The following ACTN1 variants were observed in gnomAD, a reference collection of about 807,000 sequenced individuals.
ACTN1 encodes the protein actinin alpha 1.
Under a neutral mutation model 119.6 loss-of-function variants are expected in ACTN1, and 30 were observed. The observed-to-expected ratio is 0.25, with a 90% CI of 0.19 to 0.34. The LOEUF is 0.34. ACTN1 is among the 10% of genes least tolerant of loss of function. The pLI, the probability that ACTN1 is intolerant of heterozygous loss-of-function variation, is 1.00. For synonymous variants in ACTN1, 429 were observed against 472.6 expected (o/e 0.91, Z 1.20); for missense variants, 764 against 1,223.4 (o/e 0.62, Z 5.60).
At chr14:68,883,215 G>A (rs1594756831) in intron 14 of ACTN1, 160 bp from the exon 15 acceptor site, 1 of 741,060 alleles carries the variant, frequency 1.3e-6, no homozygotes, top group Non-Finnish European at 2.2e-6. Flanking sequence ...ATGGCCACAG[G>A]AAGGTGAAGC....
rs1485253637 is a variant in ACTN1, at chr14:68,979,244, C to G, written c.-188G>C. ...CTGCTACTGGCGGCGACAGCGGCGG[C>G]TGGGCTCGCGGACTGCCTGCCTCTG... On this transcript the variant is annotated 5_prime_UTR_variant, in exon 1 of 22. Coordinates refer to ENST00000394419, the MANE Select transcript of ACTN1 (RefSeq NM_001130004.2). 4.8e-6 allele frequency: 2 copies of G among 419,284 alleles called. No homozygotes were observed. Among genetic ancestry groups the G allele is most frequent in the African/African-American group, 4.3e-5 (2 of 46,450 alleles). The allele number at this position is 419,284 out of a possible 1,614,324, so 26.0% of individuals were successfully genotyped here. A position where few individuals can be genotyped will look rare whatever the true frequency, so the allele number is the denominator to read the frequency against.
intron 10 of ACTN1, 35 bp downstream of exon 10, chr14:68,892,018 C>T: frequency 1.2e-6 from 2 of 1,607,860 alleles, no homozygotes; most frequent in Non-Finnish European, 1.7e-6. Flanking sequence ...GGAGGCAGTC[C>T]AGTCTGGGGG....
chr14:68,973,971 T>C (rs1444491743), intron 1 of ACTN1: 2 of 152,218 alleles, frequency 1.3e-5, no homozygotes, highest in African/African-American at 2.4e-5. Context: ...CCACTGTCCA[T>C]GGCGAGTAAC....
At chr14:68,938,838 G>A (rs151084653) in intron 1 of ACTN1, among the ~76,000 whole-genome samples, 1 of 152,326 alleles carries the variant, frequency 6.6e-6, no homozygotes, top group East Asian at 1.9e-4. Context: ...CAAGAAAGAA[G>A]TCCTGTTGTT....
chr14:68,921,353 G>A (rs1359295794), intron 2 of ACTN1: 8 of 456,914 alleles, frequency 1.8e-5, no homozygotes, highest in African/African-American at 6.0e-5. Flanking sequence ...TTCTCAGGTC[G>A]AAATCTGCTT....
intron 8 of ACTN1, among the ~76,000 whole-genome samples, chr14:68,899,891 C>A (rs972255856): frequency 6.6e-6 from 1 of 152,156 alleles, no homozygotes; most frequent in African/African-American, 2.4e-5. Context: ...GGCCAGGAGG[C>A]CAACCAAGGC....
Position 68,971,539 on chromosome 14 carries a change from C to G in ACTN1, c.105+7413G>C, listed in dbSNP as rs892913315. On this transcript the variant is annotated intron_variant, in intron 1 of 21. Coordinates refer to ENST00000394419, the MANE Select transcript of ACTN1 (RefSeq NM_001130004.2). Reference sequence around the variant, plus strand: ...TGCCAGCACCTTCATTTCCAGGCCTCTCTCGCTGTGCGGCTGTGAACATGT... The same window carrying G: ...TGCCAGCACCTTCATTTCCAGGCCTGTCTCGCTGTGCGGCTGTGAACATGT... Among the ~76,000 whole-genome samples the G allele has an allele frequency of 3.3e-5, 5 of 152,358 alleles. No individual in the cohort carries two copies. In the South Asian group the frequency reaches 1.0e-3, roughly 32 times the overall value.
intron 1 of ACTN1, among the ~76,000 whole-genome samples, chr14:68,969,596 G>C (rs1237653484): frequency 6.6e-6 from 1 of 152,184 alleles, no homozygotes; most frequent in Non-Finnish European, 1.5e-5. Flanking sequence ...GAGCCAGAGA[G>C]ACACATGCAG....
At chr14:68,918,060 C>A (rs963115057) in intron 3 of ACTN1, among the ~76,000 whole-genome samples, 3 of 152,292 alleles carry the variant, frequency 2.0e-5, no homozygotes, top group South Asian at 2.1e-4. Context: ...CAGAGTGAGA[C>A]CCTGTCTCAA....
Position 68,884,415 on chromosome 14 carries a change from A to G in ACTN1, c.1495-107T>C, listed in dbSNP as rs534134306. The G allele has an allele frequency of 7.5e-6, 10 of 1,326,742 alleles. No homozygotes were observed. In the African/African-American group the frequency reaches 1.3e-4, roughly 18 times the overall value. The allele number at this position is 1,326,742 out of a possible 1,614,324, so 82.2% of individuals were successfully genotyped here. On this transcript the variant is annotated intron_variant, in intron 13 of 21. Transcript: ENST00000394419. ...CCCCAGGTCTAGAAGCACTGACTCA[A>G]TCAGGCAGAAAGAACAAGCTCTTCC... is the stretch of plus-strand genomic sequence containing the variant.
rs556290737 is a variant in ACTN1 at position 68,947,909 on chromosome 14, G to A, written c.106-22237C>T. Among the ~76,000 whole-genome samples, 137 of 152,298 alleles carry A rather than the reference G, an allele frequency of 9.0e-4. 1 individual carries two copies. The highest frequency in any genetic ancestry group is 3.4e-3 in the Middle Eastern group (1 of 294). On this transcript the variant is annotated intron_variant, in intron 1 of 21. Coordinates refer to ENST00000394419, the MANE Select transcript of ACTN1 (RefSeq NM_001130004.2). ...AAGGGAGTGCGAGGTCAGAGAACAC[G>A]GTGTATCTGGAATGAAGCCCAAGGC...
At chr14:68,889,718 A>G (rs1220670284) in intron 11 of ACTN1, among the ~76,000 whole-genome samples, 5 of 152,138 alleles carry the variant, frequency 3.3e-5, no homozygotes, top group Non-Finnish European at 5.9e-5. Flanking sequence ...CACGAAGTGG[A>G]GGTTGCAGTG....
At chr14:68,943,474 C>T (rs192913670) in intron 1 of ACTN1, among the ~76,000 whole-genome samples, 14 of 152,262 alleles carry the variant, frequency 9.2e-5, no homozygotes, top group Non-Finnish European at 2.1e-4. Context: ...GGCTCCTAGG[C>T]TTCACTTCAG....
intron 1 of ACTN1, among the ~76,000 whole-genome samples, chr14:68,959,900 C>T (rs4902681): frequency 0.82 from 124,927 of 152,246 alleles, 52,011 homozygotes; most frequent in East Asian, 1. Context: ...TGTTGTAGCC[C>T]AGTGTTGACT....
At chr14:68,933,258 T>C (rs1027750842) in intron 1 of ACTN1, among the ~76,000 whole-genome samples, 1 of 152,034 alleles carries the variant, frequency 6.6e-6, no homozygotes, top group Non-Finnish European at 1.5e-5. Flanking sequence ...CTCAGCCTCC[T>C]GAGTATCTGG....
intron 1 of ACTN1, among the ~76,000 whole-genome samples, chr14:68,974,690 C>T (rs1487425692): frequency 6.6e-6 from 1 of 152,234 alleles, no homozygotes; most frequent in Non-Finnish European, 1.5e-5. Context: ...CCTGTTGCAA[C>T]TCTGCATCTT....
At position 68,882,816 on chromosome 14, in the gene ACTN1, CA is replaced by C. The variant is rs1189011579; in HGVS notation, c.1818+56del. 2.0e-4 allele frequency: 317 copies of C among 1,584,526 alleles called. No homozygotes were observed. The highest frequency in any genetic ancestry group is 2.5e-4 in the Non-Finnish European group (294 of 1,159,326). Reference sequence around the variant, plus strand: ...ATTGACAAAAATCAATTAAAATGGACAAAAATCCCTGCCTTTATGAAACTTA... The same window carrying C: ...ATTGACAAAAATCAATTAAAATGGACAAAATCCCTGCCTTTATGAAACTTA... On this transcript the variant is annotated intron_variant, in intron 15 of 21. Coordinates refer to ENST00000394419, the MANE Select transcript of ACTN1 (RefSeq NM_001130004.2). The surrounding 1 kb of genome is among the most constrained non-coding windows in gnomAD (Gnocchi z 4.5).
At chr14:68,901,265 T>TG (rs2033312843) in intron 8 of ACTN1, among the ~76,000 whole-genome samples, 2 of 136,158 alleles carry the variant, frequency 1.5e-5, no homozygotes, top group African/African-American at 5.7e-5. Flanking sequence ...TTTTTTTTTT[T>TG]GAGACAGAGT....
rs1403767383 is a variant in ACTN1 at position 68,890,344 on chromosome 14, C to T, written c.1087-58G>A. The T allele has an allele frequency of 1.9e-6, 3 of 1,594,146 alleles. No individual in the cohort carries two copies. The African/African-American group carries it at 4.0e-5, about 21-fold the overall frequency. On this transcript the variant is annotated intron_variant, in intron 10 of 21. Coordinates refer to ENST00000394419, the MANE Select transcript of ACTN1 (RefSeq NM_001130004.2). The stretch of plus-strand genomic sequence containing the variant: ...GGCTTGGGCCTAGGCTTCAGGTCCC[C>T]TAGCCCCCTAGACCCCTGAAGGTGC...
Sources: gnomAD v4.1 joint callset for allele counts (sites outside exome capture counted in the v4.1 genomes callset) on GRCh38, gnomAD v4.1.1 for gene constraint, Gnocchi (gnomAD v3.1) non-coding constraint, MANE v1.5 for transcripts, NCBI Gene and HGNC (gene_info 2026-07-23, HGNC 2026-07-21) for gene names.